Variants in CSMD1 observed in about 807,000 individuals in gnomAD.
CSMD1 encodes CUB and Sushi multiple domains 1, also known as CUB and sushi domain-containing protein 1.
Under a neutral mutation model 417.5 loss-of-function variants are expected in CSMD1, and 213 were observed. The observed-to-expected ratio is 0.51, with a 90% confidence interval of 0.46 to 0.57. The LOEUF (loss-of-function observed/expected upper bound fraction) is 0.57. Ranked by LOEUF, CSMD1 falls within the 20% of genes least tolerant of loss-of-function variation. The pLI is 0.00. For missense variants in CSMD1, 6,923 were observed against 4,529.7 expected, an observed-to-expected ratio of 1.53 and a Z score of -15.17; for synonymous variants, 2,862 against 1,736.8, an observed-to-expected ratio of 1.65 and a Z score of -16.11.
At chr8:3,933,631 C>G (rs1196364554) in intron 5 of CSMD1, among the ~76,000 whole-genome samples, 1 of 152,064 alleles carries the variant, frequency 6.6e-6, no homozygotes, top group Non-Finnish European at 1.5e-5. Context: ...TACTGTTAGT[C>G]TCTATATTGA....
intron 16 of CSMD1, among the ~76,000 whole-genome samples, chr8:3,398,185 A>G (rs1190575731): frequency 6.6e-6 from 1 of 152,152 alleles, no homozygotes; most frequent in Non-Finnish European, 1.5e-5. Context: ...TAAATTTGAT[A>G]CGCTGCTGGG....
chr8:4,374,855 A>G (rs1184326468), intron 3 of CSMD1, among the ~76,000 whole-genome samples: 1 of 151,214 alleles, frequency 6.6e-6, no homozygotes, highest in African/African-American at 2.4e-5. Context: ...TAAAGAACCT[A>G]GGGGCTAATT....
At chr8:4,852,412 A>G (rs1184131360) in intron 1 of CSMD1, among the ~76,000 whole-genome samples, 3 of 152,006 alleles carry the variant, frequency 2.0e-5, no homozygotes, top group Admixed American at 6.6e-5. Context: ...CACTCTTGCT[A>G]TGTGATGCAC....
chr8:3,228,163 C>T (rs972664498), intron 27 of CSMD1, among the ~76,000 whole-genome samples: 13 of 152,064 alleles, frequency 8.5e-5, no homozygotes, highest in African/African-American at 2.9e-4. Context: ...AAGATGACAA[C>T]TTTTTTCTCC....
In CSMD1 at chr8:4,858,993, T is replaced by G. The variant is rs1281714376; in HGVS notation, c.85+135339A>C. Among the ~76,000 whole-genome samples, 7 of 150,932 alleles carry G rather than the reference T, an allele frequency of 4.6e-5. No homozygotes were observed. In the Middle Eastern group the frequency reaches 0.021, roughly 446 times the overall value. On this transcript the variant is annotated intron_variant, in intron 1 of 69. Transcript: ENST00000635120. ...AGCCAAAAGAACAAAGCTGGAGGCATCACGCTACCTGACTTCAAACTATAC... is the reference window on the plus strand; with the variant it reads ...AGCCAAAAGAACAAAGCTGGAGGCAGCACGCTACCTGACTTCAAACTATAC...
chr8:4,955,583 G>A (rs1282384129), intron 1 of CSMD1, among the ~76,000 whole-genome samples: 1 of 151,960 alleles, frequency 6.6e-6, no homozygotes, highest in Non-Finnish European at 1.5e-5. Flanking sequence ...AGCCTCCCGA[G>A]TAGCTGAGAT....
chr8:3,821,558 G>A (rs538993683), intron 5 of CSMD1, among the ~76,000 whole-genome samples: 24 of 152,090 alleles, frequency 1.6e-4, no homozygotes, highest in Non-Finnish European at 2.4e-4. Flanking sequence ...CGAGGAGGGC[G>A]GATCACTGAG....
chr8:4,296,203 C>T (rs757800980), intron 3 of CSMD1, among the ~76,000 whole-genome samples: 1 of 152,128 alleles, frequency 6.6e-6, no homozygotes, highest in Admixed American at 6.6e-5. Context: ...CTCAACTCAT[C>T]TCCAGCTGGG....
rs1216023728 is a variant in CSMD1 at position 3,343,425 on chromosome 8, G to A, written c.3500C>T (p.Ser1167Leu). The part of the protein sequence containing the change: ...LKVYDGKDSS[S>L]RPLGTFTKNE... ...TTTAGTGAACGTGCCCAGTGGACGT[G>A]AGGAACTGTCTTTTCCATCATATAC... The change falls in exon 23 of 70, where the codon TCA (serine) becomes TTA (leucine). Residue 1167 changes from serine to leucine, a missense_variant. Physicochemically the swap from Ser to Leu is moderately radical, Grantham distance 145. Transcript: ENST00000635120. 3.1e-6 allele frequency: 5 copies of A among 1,613,756 alleles called. No individual in the cohort carries two copies. Among genetic ancestry groups the A allele is most frequent in the Non-Finnish European group, 3.4e-6 (4 of 1,179,740 alleles).
chr8:4,316,362 A>G (rs192565594), intron 3 of CSMD1, among the ~76,000 whole-genome samples: 26 of 152,174 alleles, frequency 1.7e-4, no homozygotes, highest in Middle Eastern at 6.8e-3. Flanking sequence ...ATGGTCTTAT[A>G]CTCTGGGCTG....
chr8:3,175,740 C>T (rs1374666163), intron 37 of CSMD1, among the ~76,000 whole-genome samples: 1 of 152,058 alleles, frequency 6.6e-6, no homozygotes, highest in African/African-American at 2.4e-5. Flanking sequence ...TGCTGGGCTA[C>T]TATGTAAGAA....
intron 3 of CSMD1, among the ~76,000 whole-genome samples, chr8:4,178,465 G>T (rs571961849): frequency 6.6e-6 from 1 of 151,242 alleles, no homozygotes; most frequent in Non-Finnish European, 1.5e-5. Flanking sequence ...CAAACCCACA[G>T]CCAATATCAT....
chr8:3,331,899 G>A (rs1806920943), intron 23 of CSMD1, among the ~76,000 whole-genome samples: 1 of 152,154 alleles, frequency 6.6e-6, no homozygotes, highest in Non-Finnish European at 1.5e-5. Flanking sequence ...CCTCCAGAGA[G>A]AAATTCAGAA....
intron 8 of CSMD1, among the ~76,000 whole-genome samples, chr8:3,588,123 A>G (rs1800685082): frequency 6.7e-6 from 1 of 150,198 alleles, no homozygotes; most frequent in South Asian, 2.1e-4. Flanking sequence ...TATTCCAGGT[A>G]TCAGTCTCCA....
At chr8:3,671,507 ATATATG>A (rs1387689184) in intron 7 of CSMD1, among the ~76,000 whole-genome samples, 1 of 7,736 alleles carries the variant, frequency 1.3e-4, no homozygotes, top group Non-Finnish European at 2.5e-4. Flanking sequence ...ATATATATAT[ATATATG>A]ATCATATATA....
At chr8:4,521,976 T>A (rs143993385) in intron 2 of CSMD1, among the ~76,000 whole-genome samples, 1 of 152,310 alleles carries the variant, frequency 6.6e-6, no homozygotes, top group Non-Finnish European at 1.5e-5. Context: ...CCTTTTTGTA[T>A]CCTAGTTTTT....
chr8:3,311,400 C>T (rs1805333433), intron 23 of CSMD1, among the ~76,000 whole-genome samples: 1 of 152,092 alleles, frequency 6.6e-6, no homozygotes, highest in African/African-American at 2.4e-5. Context: ...TAAGTGCGAG[C>T]CATCACACCC....
intron 1 of CSMD1, among the ~76,000 whole-genome samples, chr8:4,845,656 C>T (rs184478447): frequency 1.6e-4 from 25 of 152,168 alleles, no homozygotes; most frequent in Admixed American, 6.5e-4. Flanking sequence ...GAAGCACAGA[C>T]GGGAAAGAAA....
chr8:4,304,192 C>A (rs973556337), intron 3 of CSMD1, among the ~76,000 whole-genome samples: 1 of 151,998 alleles, frequency 6.6e-6, no homozygotes, highest in Non-Finnish European at 1.5e-5. Context: ...GGAGAATAAG[C>A]CAGTTTTGAT....
Sources: gnomAD v4.1 joint callset for allele counts (sites outside exome capture counted in the v4.1 genomes callset) on GRCh38, gnomAD v4.1.1 for gene constraint, MANE v1.5 for transcripts, NCBI Gene and HGNC (gene_info 2026-07-23, HGNC 2026-07-21) for gene names.